The following ADORA2B variants were observed in gnomAD, a reference collection of about 807,000 sequenced individuals.
ADORA2B encodes the protein adenosine A2b receptor, also known as adenosine receptor A2b.
Under a neutral mutation model 20.8 loss-of-function variants are expected in ADORA2B, and 18 were observed. The ratio of observed to expected loss-of-function variants is 0.87; its 90% CI spans 0.60 to 1.29. The LOEUF is 1.29. Ranked by LOEUF, ADORA2B falls within the 50% of genes most tolerant of loss-of-function variation. The probability of loss-of-function intolerance (pLI) is 0.00; values close to 1 mark genes in which losing one functional copy is unlikely to be tolerated. For missense variants in ADORA2B, 441 were observed against 422.7 expected (o/e 1.04, Z -0.38); for synonymous variants, 179 against 178.3 (o/e 1.00, Z -0.03).
chr17:15,908,360 G>A, the ADORA2B span, among the ~76,000 whole-genome samples: 1 of 152,224 alleles, frequency 6.6e-6, no homozygotes, highest in African/African-American at 2.4e-5. Flanking sequence ...GAGTAAGTGG[G>A]AGAAAAAGTC....
chr17:15,914,513 A>C, the ADORA2B span, among the ~76,000 whole-genome samples: 1 of 152,198 alleles, frequency 6.6e-6, no homozygotes, highest in South Asian at 2.1e-4. Flanking sequence ...CTGTTAAAAA[A>C]AACAGGATGT....
At chr17:15,953,041 G>A (rs1480189345) in intron 1 of ADORA2B, among the ~76,000 whole-genome samples, 1 of 152,220 alleles carries the variant, frequency 6.6e-6, no homozygotes, top group African/African-American at 2.4e-5. Context: ...CTAGGCTGAG[G>A]GGCAGGGCTT....
the ADORA2B span, among the ~76,000 whole-genome samples, chr17:15,867,244 C>G: frequency 6.6e-6 from 1 of 152,128 alleles, no homozygotes; most frequent in Non-Finnish European, 1.5e-5. Context: ...GCCTGGCCGC[C>G]CATTGTCTGG....
intron 1 of ADORA2B, among the ~76,000 whole-genome samples, chr17:15,964,940 G>A (rs1364532037): frequency 7.3e-5 from 11 of 151,396 alleles, no homozygotes; most frequent in East Asian, 4.0e-4. Flanking sequence ...GGTGCCTGTA[G>A]TCCCAGCTAC....
chr17:15,857,423 G>A, the ADORA2B span, among the ~76,000 whole-genome samples: 1 of 152,142 alleles, frequency 6.6e-6, no homozygotes, highest in African/African-American at 2.4e-5. Flanking sequence ...GTGAGAAGAG[G>A]GACACCATCC....
At chr17:15,906,209 A>C in the ADORA2B span, among the ~76,000 whole-genome samples, 1 of 152,218 alleles carries the variant, frequency 6.6e-6, no homozygotes, top group South Asian at 2.1e-4. Flanking sequence ...GGAAGTGTTC[A>C]AGTCTTTCAT....
chr17:15,943,491 T>G (rs897277300), upstream of ADORA2B, among the ~76,000 whole-genome samples: 8 of 152,216 alleles, frequency 5.3e-5, no homozygotes, highest in Middle Eastern at 3.2e-3. Context: ...CGTGCCTGGC[T>G]GATTTATTTT....
the ADORA2B span, among the ~76,000 whole-genome samples, chr17:15,904,182 G>A: frequency 2.6e-5 from 4 of 152,036 alleles, no homozygotes; most frequent in Non-Finnish European, 4.4e-5. Flanking sequence ...GTCTTGCTAT[G>A]TGGCCTAGAC....
intron 1 of ADORA2B, among the ~76,000 whole-genome samples, chr17:15,973,408 G>A (rs1216310195): frequency 3.3e-5 from 5 of 152,164 alleles, no homozygotes; most frequent in Admixed American, 3.3e-4. Flanking sequence ...ATTTAGTAGG[G>A]ATCTCTGTGT....
the ADORA2B span, among the ~76,000 whole-genome samples, chr17:15,882,432 G>A: frequency 5.3e-5 from 8 of 152,176 alleles, no homozygotes; most frequent in Non-Finnish European, 1.0e-4. Flanking sequence ...AAAGGTTCTT[G>A]GCCGGGCACA....
At chr17:15,923,566 G>A in the ADORA2B span, among the ~76,000 whole-genome samples, 5 of 151,114 alleles carry the variant, frequency 3.3e-5, no homozygotes, top group East Asian at 7.9e-4. Flanking sequence ...CACCACGCCC[G>A]ACTAATTTTT....
intron 1 of ADORA2B, among the ~76,000 whole-genome samples, chr17:15,961,164 CAAA>C (rs60034008): frequency 1.4e-5 from 2 of 144,744 alleles, no homozygotes. Flanking sequence ...GAGACTCTGT[CAAA>C]AAAAAAAAAA....
the ADORA2B span, among the ~76,000 whole-genome samples, chr17:15,870,728 A>G: frequency 6.6e-6 from 1 of 152,212 alleles, no homozygotes; most frequent in African/African-American, 2.4e-5. Context: ...GCAACCCCTG[A>G]AATACCAGCC....
At chr17:15,910,962 T>G in the ADORA2B span, among the ~76,000 whole-genome samples, 2 of 152,218 alleles carry the variant, frequency 1.3e-5, no homozygotes, top group Non-Finnish European at 2.9e-5. Context: ...TTTTGAAAAC[T>G]GGTTACCCCA....
intron 1 of ADORA2B, among the ~76,000 whole-genome samples, chr17:15,969,915 C>T (rs1215846207): frequency 6.6e-6 from 1 of 152,212 alleles, no homozygotes; most frequent in East Asian, 1.9e-4. Context: ...GCCCCTGCCT[C>T]ATCTTGGGCT....
At chr17:15,939,802 G>A in the ADORA2B span, among the ~76,000 whole-genome samples, 51 of 148,118 alleles carry the variant, frequency 3.4e-4, no homozygotes, top group South Asian at 1.1e-3. Flanking sequence ...CGGAGCTTGC[G>A]TGAGCCAAGA....
chr17:15,923,886 G>T, the ADORA2B span, among the ~76,000 whole-genome samples: 1 of 151,932 alleles, frequency 6.6e-6, no homozygotes, highest in African/African-American at 2.4e-5. Flanking sequence ...CTCTTCTTTT[G>T]CAGCTTTGTT....
the ADORA2B span, among the ~76,000 whole-genome samples, chr17:15,916,660 C>CT: frequency 6.6e-6 from 1 of 152,230 alleles, no homozygotes; most frequent in Non-Finnish European, 1.5e-5. Context: ...AGGGGTCAAT[C>CT]TTTAATTACC....
the ADORA2B span, among the ~76,000 whole-genome samples, chr17:15,862,806 CTTTT>C: frequency 5.1e-5 from 7 of 137,900 alleles, no homozygotes; most frequent in Admixed American, 1.5e-4. Flanking sequence ...GGAGTAATAG[CTTTT>C]TTTTTTTTTT....
Sources: gnomAD v4.1 joint callset for allele counts (sites outside exome capture counted in the v4.1 genomes callset) on GRCh38, gnomAD v4.1.1 for gene constraint, MANE v1.5 for transcripts, NCBI Gene and HGNC (gene_info 2026-07-23, HGNC 2026-07-21) for gene names.